SPHKAP: variants seen among roughly 807,000 people sequenced by gnomAD.
The protein encoded by SPHKAP is A-kinase anchor protein SPHKAP.
In SPHKAP, 67 loss-of-function variants were observed where a neutral mutation model predicts 137.5. The ratio of observed to expected loss-of-function variants is 0.49; its 90% CI spans 0.40 to 0.60. The LOEUF (loss-of-function observed/expected upper bound fraction) is 0.60, where lower values mean the gene tolerates loss of function less well. SPHKAP is among the 20% of genes least tolerant of loss of function. SPHKAP has a pLI of 0.00. For synonymous variants in SPHKAP, 813 were observed against 785.3 expected (o/e 1.04, Z -0.59); for missense variants, 2,097 against 2,069.3 (o/e 1.01, Z -0.26).
In SPHKAP at chr2:228,021,908, C is replaced by T. The variant is rs376987429; in HGVS notation, c.500G>A (p.Ser167Asn). 2.0e-5 allele frequency: 32 copies of T among 1,613,848 alleles called. No homozygotes were observed. The highest frequency in any genetic ancestry group is 1.6e-4 in the Middle Eastern group (1 of 6,082). ...GATTTCAAAGATGATGCAGTTGGTA[C>T]TGTTTGGTCTGTTCCCTCTTGCACA... The part of the protein sequence containing the change: ...VQCARGNRPN[S>N]TNCIIFEINK... The change falls in exon 6 of 12, where the codon AGT (serine) becomes AAT (asparagine). Residue 167 changes from serine to asparagine, a missense_variant. Ser to Asn is a conservative substitution (Grantham distance 46). Coordinates refer to ENST00000392056, the MANE Select transcript of SPHKAP (RefSeq NM_001142644.2).
chr2:228,063,532 C>T (rs2106290751), intron 3 of SPHKAP, among the ~76,000 whole-genome samples: 1 of 152,222 alleles, frequency 6.6e-6, no homozygotes. Flanking sequence ...ACATTATGAA[C>T]TAGTTTTTGT....
In SPHKAP at chr2:227,991,185, C is replaced by A. The variant is rs932930044; in HGVS notation, c.4775-1G>T. The A allele has an allele frequency of 1.2e-6, 2 of 1,614,090 alleles. No homozygotes were observed. The highest frequency in any genetic ancestry group is 1.7e-6 in the Non-Finnish European group (2 of 1,180,006). On this transcript the variant is annotated splice_acceptor_variant, in intron 10 of 11. Coordinates refer to ENST00000392056, the MANE Select transcript of SPHKAP (RefSeq NM_001142644.2). LOFTEE classifies it high-confidence loss of function. ...CCCGTAGGCGGTCCAGATGCAGGTG[C>A]TGAGAACAGACACAACCACAGCCTT...
At chr2:228,036,242 C>G (rs1274557168) in intron 3 of SPHKAP, among the ~76,000 whole-genome samples, 1 of 151,852 alleles carries the variant, frequency 6.6e-6, no homozygotes, top group Non-Finnish European at 1.5e-5. Context: ...AGACACTTCT[C>G]AAAAGAAGAC....
intron 3 of SPHKAP, among the ~76,000 whole-genome samples, chr2:228,038,059 C>T (rs1479600660): frequency 3.3e-5 from 5 of 152,126 alleles, no homozygotes; most frequent in Non-Finnish European, 5.9e-5. Flanking sequence ...GGAGACTGAA[C>T]GTTTGATGAG....
intron 3 of SPHKAP, among the ~76,000 whole-genome samples, chr2:228,081,339 C>T (rs1378190386): frequency 1.3e-5 from 2 of 152,220 alleles, no homozygotes; most frequent in African/African-American, 4.8e-5. Flanking sequence ...GAGAAAGGCA[C>T]AGACCACAGA....
chr2:228,006,296 T>C (rs974359924), intron 7 of SPHKAP, among the ~76,000 whole-genome samples: 10 of 152,228 alleles, frequency 6.6e-5, no homozygotes, highest in African/African-American at 2.4e-4. Context: ...CATTTGATCT[T>C]CAGTCACTGA....
chr2:228,140,436 T>A (rs1469251361), intron 1 of SPHKAP, among the ~76,000 whole-genome samples: 2 of 152,186 alleles, frequency 1.3e-5, no homozygotes, highest in African/African-American at 4.8e-5. Flanking sequence ...TGTCTCACTC[T>A]GATACTCTGA....
intron 1 of SPHKAP, among the ~76,000 whole-genome samples, chr2:228,142,532 G>T (rs1372322354): frequency 1.3e-5 from 2 of 151,842 alleles, no homozygotes; most frequent in Non-Finnish European, 2.9e-5. Context: ...AAAAGAATAA[G>T]ATCATGTTTT....
chr2:228,062,651 A>G (rs1340249341), intron 3 of SPHKAP, among the ~76,000 whole-genome samples: 1 of 152,220 alleles, frequency 6.6e-6, no homozygotes, highest in Non-Finnish European at 1.5e-5. Context: ...AAAAATTGGT[A>G]GAGAGCTTTT....
Position 228,163,061 on chromosome 2 carries a change from A to T in SPHKAP, c.32+18506T>A, listed in dbSNP as rs189792156. On this transcript the variant is annotated intron_variant, in intron 1 of 11. Coordinates refer to ENST00000392056, the MANE Select transcript of SPHKAP (RefSeq NM_001142644.2). ...CAAAACTGGGAGGAACAGCTTTGTT[A>T]CAGCCACAGAAACAGAATTATTAAG... Among the ~76,000 whole-genome samples the T allele has an allele frequency of 1.2e-3, 188 of 152,310 alleles. 1 individual carries two copies. Among genetic ancestry groups the T allele is most frequent in the Non-Finnish European group, 2.0e-3 (138 of 68,020 alleles).
At chr2:228,087,716 T>C (rs1477230977) in intron 3 of SPHKAP, among the ~76,000 whole-genome samples, 27 of 152,074 alleles carry the variant, frequency 1.8e-4, no homozygotes, top group Admixed American at 1.8e-3. Context: ...AAATAATCAG[T>C]GAACTTAAAG....
chr2:228,174,539 G>T lies in SPHKAP; in HGVS notation c.32+7028C>A, dbSNP rs141290677. On this transcript the variant is annotated intron_variant, in intron 1 of 11. Coordinates refer to ENST00000392056, the MANE Select transcript of SPHKAP (RefSeq NM_001142644.2). The stretch of plus-strand genomic sequence containing the variant: ...CTACATGAGTAAACTTTGACAAGTC[G>T]TTTAACTTTTCTCAGTCTTCGTTCC... Among the ~76,000 whole-genome samples, 22 of 152,268 alleles carry T rather than the reference G, an allele frequency of 1.4e-4. 1 individual carries two copies. In the East Asian group the frequency reaches 4.3e-3, roughly 29 times the overall value.
intron 3 of SPHKAP, among the ~76,000 whole-genome samples, chr2:228,073,712 C>G (rs1697078648): frequency 6.6e-6 from 1 of 152,118 alleles, no homozygotes; most frequent in African/African-American, 2.4e-5. Context: ...TCTGGTGAAC[C>G]CTTAAACCAC....
chr2:228,143,321 A>G (rs771862856), intron 1 of SPHKAP, among the ~76,000 whole-genome samples: 3 of 152,112 alleles, frequency 2.0e-5, no homozygotes, highest in Non-Finnish European at 2.9e-5. Flanking sequence ...GCAGGAGGAT[A>G]GCTTGAGGCC....
intron 7 of SPHKAP, among the ~76,000 whole-genome samples, chr2:228,013,260 T>C (rs1694455515): frequency 6.6e-6 from 1 of 152,222 alleles, no homozygotes; most frequent in Admixed American, 6.5e-5. Context: ...TATTCCTTTT[T>C]CTTTTTTTTG....
At chr2:228,155,916 A>G (rs2106406238) in intron 1 of SPHKAP, among the ~76,000 whole-genome samples, 1 of 152,296 alleles carries the variant, frequency 6.6e-6, no homozygotes, top group East Asian at 1.9e-4. Context: ...AAAATTTAGG[A>G]GCTGGTGTTT....
At chr2:228,157,122 A>G (rs1700129659) in intron 1 of SPHKAP, among the ~76,000 whole-genome samples, 1 of 152,130 alleles carries the variant, frequency 6.6e-6, no homozygotes, top group South Asian at 2.1e-4. Context: ...AAAGTAAAAT[A>G]TGTAAGATAT....
At chr2:228,004,268 C>G (rs1694035628) in intron 7 of SPHKAP, among the ~76,000 whole-genome samples, 1 of 152,138 alleles carries the variant, frequency 6.6e-6, no homozygotes, top group South Asian at 2.1e-4. Flanking sequence ...AGAGATTCAA[C>G]TTCTTCCTGG....
intron 3 of SPHKAP, among the ~76,000 whole-genome samples, chr2:228,070,125 T>C: frequency 6.6e-6 from 1 of 152,204 alleles, no homozygotes; most frequent in East Asian, 1.9e-4. Flanking sequence ...ATATAACTTT[T>C]GACTCTCCTG....
Sources: allele counts gnomAD v4.1 joint callset (sites outside exome capture counted in the v4.1 genomes callset), GRCh38; gene constraint gnomAD v4.1.1; transcripts MANE v1.5; gene names NCBI Gene and HGNC (gene_info 2026-07-23, HGNC 2026-07-21).